ADORA2B: variants seen among roughly 807,000 people sequenced by gnomAD.
ADORA2B encodes adenosine A2b receptor.
In ADORA2B, 18 loss-of-function variants were observed where a neutral mutation model predicts 20.8. The ratio of observed to expected loss-of-function variants is 0.87; its 90% confidence interval spans 0.60 to 1.29. The LOEUF (loss-of-function observed/expected upper bound fraction) is 1.29. Among genes scored for constraint, ADORA2B ranks in the 50% most tolerant of loss-of-function variants. ADORA2B has a pLI of 0.00. For missense variants in ADORA2B, 441 were observed against 422.7 expected (o/e 1.04, Z -0.38); for synonymous variants, 179 against 178.3 (o/e 1.00, Z -0.03).
chr17:15,889,669 G>A, the ADORA2B span, among the ~76,000 whole-genome samples: 3 of 130,080 alleles, frequency 2.3e-5, 1 homozygote, highest in East Asian at 2.1e-4. Context: ...AGACCAAGGC[G>A]GGTAGATCAC....
the ADORA2B span, among the ~76,000 whole-genome samples, chr17:15,895,119 AG>A: frequency 5.3e-5 from 8 of 152,282 alleles, no homozygotes; most frequent in African/African-American, 1.9e-4. Flanking sequence ...TCAACTGATT[AG>A]ATGAGGACCA....
At chr17:15,924,294 T>G in the ADORA2B span, among the ~76,000 whole-genome samples, 1 of 152,364 alleles carries the variant, frequency 6.6e-6, no homozygotes, top group East Asian at 1.9e-4. Flanking sequence ...TATAACCTTC[T>G]ACAACTTTCA....
At chr17:15,904,871 G>T in the ADORA2B span, among the ~76,000 whole-genome samples, 1 of 152,088 alleles carries the variant, frequency 6.6e-6, no homozygotes, top group Non-Finnish European at 1.5e-5. Context: ...GACTATATTT[G>T]TGTGGTTTTA....
the ADORA2B span, among the ~76,000 whole-genome samples, chr17:15,858,529 T>C: frequency 1.3e-5 from 2 of 152,204 alleles, no homozygotes; most frequent in Non-Finnish European, 2.9e-5. Context: ...CTCTTCACTA[T>C]TTGCCCTTTT....
chr17:15,965,895 G>T (rs1321919138), intron 1 of ADORA2B, among the ~76,000 whole-genome samples: 1 of 152,198 alleles, frequency 6.6e-6, no homozygotes, highest in African/African-American at 2.4e-5. Context: ...TCTAATTAAA[G>T]TTTGCCAGGC....
intron 1 of ADORA2B, among the ~76,000 whole-genome samples, chr17:15,948,855 CTT>C (rs1375341491): frequency 6.6e-6 from 1 of 152,074 alleles, no homozygotes; most frequent in African/African-American, 2.4e-5. Flanking sequence ...CTTAGCAAGA[CTT>C]TGTGCTTAGG....
chr17:15,927,356 G>A, the ADORA2B span, among the ~76,000 whole-genome samples: 8 of 152,060 alleles, frequency 5.3e-5, no homozygotes, highest in Non-Finnish European at 1.2e-4. Flanking sequence ...GGTGGCACGC[G>A]CCTGTAGTCC....
chr17:15,975,213 T>C lies in ADORA2B; in HGVS notation c.870T>C (p.Tyr290=), dbSNP rs1171897686. ...ATTCAGTTGTCAATCCCATTGTCTATGCTTACCGGAACCGAGACTTCCGCT... is the reference window on the plus strand; with the variant it reads ...ATTCAGTTGTCAATCCCATTGTCTACGCTTACCGGAACCGAGACTTCCGCT... ...HANSVVNPIV[Y]AYRNRDFRYT... is the part of the protein sequence containing the mutation. Residue 290 remains tyrosine, a synonymous_variant, in exon 2 of 2, where the codon TAT becomes TAC. Transcript: ENST00000304222. 7 of 1,614,038 alleles carry C rather than the reference T, an allele frequency of 4.3e-6. No individual in the cohort carries two copies. Among genetic ancestry groups the C allele is most frequent in the Non-Finnish European group, 5.9e-6 (7 of 1,180,054 alleles).
At chr17:15,883,234 T>G in the ADORA2B span, among the ~76,000 whole-genome samples, 19 of 152,244 alleles carry the variant, frequency 1.2e-4, no homozygotes, top group Non-Finnish European at 1.9e-4. Flanking sequence ...ACATATTATT[T>G]TCTTAGTAAG....
chr17:15,925,926 C>G, the ADORA2B span, among the ~76,000 whole-genome samples: 1 of 151,964 alleles, frequency 6.6e-6, no homozygotes, highest in South Asian at 2.1e-4. Flanking sequence ...GCCGAGATCT[C>G]TCTACTGCAC....
the ADORA2B span, among the ~76,000 whole-genome samples, chr17:15,901,886 A>T: frequency 2.0e-5 from 3 of 152,234 alleles, no homozygotes; most frequent in African/African-American, 7.2e-5. Flanking sequence ...TAAAATACAC[A>T]TAAGAGTCAC....
chr17:15,874,064 G>GTATATATGTATATATA, the ADORA2B span, among the ~76,000 whole-genome samples: 1 of 144,842 alleles, frequency 6.9e-6, no homozygotes, highest in African/African-American at 2.7e-5. Flanking sequence ...ATATATGTGT[G>GTATATATGTATATATA]TGTGTATATA....
the ADORA2B span, among the ~76,000 whole-genome samples, chr17:15,933,076 A>G: frequency 0.21 from 31,429 of 150,486 alleles, 3,344 homozygotes; most frequent in African/African-American, 0.24. Context: ...CTGCCTCAGC[A>G]TCCCGAGTAG....
upstream of ADORA2B, among the ~76,000 whole-genome samples, chr17:15,941,542 A>G (rs1261188891): frequency 6.6e-6 from 1 of 152,108 alleles, no homozygotes; most frequent in Non-Finnish European, 1.5e-5. Context: ...AGCCTGGGCA[A>G]CATAGTGGGA....
the ADORA2B span, among the ~76,000 whole-genome samples, chr17:15,875,463 A>G: frequency 1.3e-5 from 2 of 152,198 alleles, no homozygotes; most frequent in Non-Finnish European, 2.9e-5. Context: ...AGTTCACATT[A>G]AGATGCTGTG....
the ADORA2B span, among the ~76,000 whole-genome samples, chr17:15,938,964 T>A: frequency 6.6e-6 from 1 of 152,228 alleles, no homozygotes; most frequent in Non-Finnish European, 1.5e-5. Flanking sequence ...TTTGCTAAGA[T>A]CTCCGAATGT....
chr17:15,935,373 T>A, the ADORA2B span, among the ~76,000 whole-genome samples: 2 of 152,202 alleles, frequency 1.3e-5, no homozygotes, highest in Non-Finnish European at 2.9e-5. Flanking sequence ...TATGTCATAG[T>A]AGATGGCTCT....
rs775307627 is a variant in ADORA2B at position 15,945,544 on chromosome 17, T to C, written c.296T>C (p.Val99Ala). Reference sequence around the variant, plus strand: ...AGCTCCATCTTCAGCCTTCTGGCCGTGGCAGTCGACAGATACCTGGCCATC... The same window carrying C: ...AGCTCCATCTTCAGCCTTCTGGCCGCGGCAGTCGACAGATACCTGGCCATC... ...TQSSIFSLLA[V>A]AVDRYLAICV... The change falls in exon 1 of 2, where the codon GTG becomes GCG. Residue 99 changes from valine to alanine, a missense_variant. Val to Ala is a moderately conservative substitution (Grantham distance 64). Transcript: ENST00000304222. 2.5e-6 allele frequency: 4 copies of C among 1,591,066 alleles called. No homozygotes were observed. In the African/African-American group the frequency reaches 5.4e-5, roughly 21 times the overall value.
the ADORA2B span, among the ~76,000 whole-genome samples, chr17:15,881,683 G>A: frequency 6.6e-6 from 1 of 152,210 alleles, no homozygotes; most frequent in Non-Finnish European, 1.5e-5. Context: ...CACCGCATGT[G>A]CCCTTTGATG....
Sources: allele counts gnomAD v4.1 joint callset (sites outside exome capture counted in the v4.1 genomes callset), GRCh38; gene constraint gnomAD v4.1.1; transcripts MANE v1.5; gene names NCBI Gene and HGNC (gene_info 2026-07-23, HGNC 2026-07-21).